Variants in TRPM3 observed in about 807,000 individuals in gnomAD.
The protein encoded by TRPM3 is long transient receptor potential channel 3.
In TRPM3, 77 loss-of-function variants were observed where a neutral mutation model predicts 181.2. The observed-to-expected ratio is 0.42, with a 90% confidence interval of 0.35 to 0.51. The LOEUF (loss-of-function observed/expected upper bound fraction) is 0.51. TRPM3 is among the 20% of genes least tolerant of loss of function. TRPM3 has a pLI of 0.01. For missense variants in TRPM3, 1,759 were observed against 2,196.7 expected (o/e 0.80, Z 3.98); for synonymous variants, 745 against 796.4 (o/e 0.94, Z 1.09).
chr9:71,269,781 A>G (rs975227701), intron 1 of TRPM3, among the ~76,000 whole-genome samples: 3 of 152,214 alleles, frequency 2.0e-5, no homozygotes, highest in Non-Finnish European at 4.4e-5. Flanking sequence ...TTTGTTCCCT[A>G]TAAATAATCT....
At chr9:70,860,824 T>G (rs2095502172) in intron 3 of TRPM3, among the ~76,000 whole-genome samples, 1 of 152,188 alleles carries the variant, frequency 6.6e-6, no homozygotes, top group Admixed American at 6.5e-5. Context: ...TAGATTAATT[T>G]TATATCTATT....
At chr9:70,592,448 G>T (rs1036020324) in intron 21 of TRPM3, among the ~76,000 whole-genome samples, 1 of 152,200 alleles carries the variant, frequency 6.6e-6, no homozygotes, top group Non-Finnish European at 1.5e-5. Flanking sequence ...AAATGAAGCC[G>T]ATTTGCAAGA....
At chr9:70,586,505 A>C (rs1043125472) in intron 22 of TRPM3, among the ~76,000 whole-genome samples, 1 of 152,248 alleles carries the variant, frequency 6.6e-6, no homozygotes, top group Non-Finnish European at 1.5e-5. Flanking sequence ...TTTCAGGGAC[A>C]GAAAATGAGG....
chr9:70,751,505 A>G (rs2076127026), intron 8 of TRPM3, among the ~76,000 whole-genome samples: 1 of 152,184 alleles, frequency 6.6e-6, no homozygotes, highest in African/African-American at 2.4e-5. Context: ...CTTCTTCAAA[A>G]AATGACACAA....
intron 1 of TRPM3, among the ~76,000 whole-genome samples, chr9:70,886,757 C>G (rs2132770449): frequency 6.6e-6 from 1 of 152,128 alleles, no homozygotes; most frequent in South Asian, 2.1e-4. Context: ...CTCCACCTCC[C>G]AGGTTCAAGT....
At chr9:70,614,159 G>A (rs929201473) in intron 18 of TRPM3, among the ~76,000 whole-genome samples, 1 of 152,008 alleles carries the variant, frequency 6.6e-6, no homozygotes, top group African/African-American at 2.4e-5. Flanking sequence ...GGGTATCCTT[G>A]AGCAATTTAA....
At chr9:71,293,635 A>G (rs1289851624) in intron 1 of TRPM3, among the ~76,000 whole-genome samples, 3 of 151,858 alleles carry the variant, frequency 2.0e-5, no homozygotes, top group African/African-American at 7.2e-5. Context: ...TTGTAAAGGT[A>G]TCAATCTTCT....
chr9:70,814,613 A>G (rs1403599860), intron 6 of TRPM3, among the ~76,000 whole-genome samples: 1 of 152,174 alleles, frequency 6.6e-6, no homozygotes, highest in Non-Finnish European at 1.5e-5. Flanking sequence ...ATTTGAAAAT[A>G]CTGTTCTCTC....
At chr9:70,671,090 T>A (rs531168159) in intron 9 of TRPM3, among the ~76,000 whole-genome samples, 1 of 152,360 alleles carries the variant, frequency 6.6e-6, no homozygotes, top group East Asian at 1.9e-4. Flanking sequence ...ATTTCTAGTT[T>A]GGTGTCATCA....
chr9:70,668,672 G>GAAAAAA (rs57929544), intron 9 of TRPM3, among the ~76,000 whole-genome samples: 138 of 86,516 alleles, frequency 1.6e-3, no homozygotes, highest in African/African-American at 2.0e-3. Flanking sequence ...CTCAAAAAAA[G>GAAAAAA]AAAAAAAAAA....
intron 1 of TRPM3, among the ~76,000 whole-genome samples, chr9:70,953,954 T>G (rs1260098353): frequency 6.6e-6 from 1 of 152,176 alleles, no homozygotes; most frequent in Non-Finnish European, 1.5e-5. Flanking sequence ...ACTGCAGATC[T>G]GGCCTCAAGA....
At chr9:71,075,598 C>T (rs1565137914) in intron 1 of TRPM3, among the ~76,000 whole-genome samples, 1 of 152,170 alleles carries the variant, frequency 6.6e-6, no homozygotes, top group Admixed American at 6.6e-5. Context: ...AACCTATAAA[C>T]ATTTGCACAT....
intron 1 of TRPM3, among the ~76,000 whole-genome samples, chr9:71,172,304 C>T (rs982736702): frequency 2.0e-5 from 3 of 152,064 alleles, no homozygotes; most frequent in African/African-American, 7.2e-5. Context: ...GATCTCATTC[C>T]TGATAGAGGA....
intron 1 of TRPM3, among the ~76,000 whole-genome samples, chr9:71,024,184 CAT>C (rs753590347): frequency 2.6e-5 from 4 of 152,074 alleles, no homozygotes; most frequent in Admixed American, 2.0e-4. Flanking sequence ...TATTAAAAAA[CAT>C]ATAAATAAAA....
chr9:71,155,317 T>G (rs2075935275), intron 1 of TRPM3, among the ~76,000 whole-genome samples: 1 of 151,852 alleles, frequency 6.6e-6, no homozygotes, highest in Admixed American at 6.6e-5. Flanking sequence ...AAAGTTCCTA[T>G]CTTTTTTTTC....
chr9:70,610,812 C>CTTACT (rs765560201), intron 18 of TRPM3, 63 bp from the exon 19 acceptor site: 25 of 1,584,294 alleles, frequency 1.6e-5, no homozygotes, highest in Non-Finnish European at 2.1e-5. Flanking sequence ...GTTCAATGTG[C>CTTACT]TTACTTTACA....
intron 1 of TRPM3, among the ~76,000 whole-genome samples, chr9:71,387,696 G>A (rs1490839768): frequency 1.3e-5 from 2 of 151,908 alleles, no homozygotes; most frequent in Non-Finnish European, 2.9e-5. Flanking sequence ...GTCAGATATC[G>A]CATTCACAAT....
At chr9:70,793,467 A>AT (rs1238786905) in intron 6 of TRPM3, 97 of 116,184 alleles carry the variant, frequency 8.3e-4, no homozygotes, top group South Asian at 2.6e-3. Context: ...AAAAAAAAAA[A>AT]AAATATATAT....
intron 1 of TRPM3, among the ~76,000 whole-genome samples, chr9:71,118,783 T>C (rs952105284): frequency 6.6e-6 from 1 of 150,438 alleles, no homozygotes; most frequent in Non-Finnish European, 1.5e-5. Context: ...GTGGTGGTAG[T>C]ATGGAGGGAG....
Sources: allele counts gnomAD v4.1 joint callset (sites outside exome capture counted in the v4.1 genomes callset), GRCh38; gene constraint gnomAD v4.1.1; transcripts MANE v1.5; gene names NCBI Gene and HGNC (gene_info 2026-07-23, HGNC 2026-07-21).